Variants in DRC11 observed in about 807,000 individuals in gnomAD.
The protein encoded by DRC11 is dynein regulatory complex subunit 11.
the DRC11 span, among the ~76,000 whole-genome samples, chr2:236,354,663 G>A: frequency 6.6e-6 from 1 of 152,136 alleles, no homozygotes; most frequent in Non-Finnish European, 1.5e-5. Context: ...GAATGCTCGT[G>A]GCATCAAACC....
chr2:236,467,812 A>C, the DRC11 span, among the ~76,000 whole-genome samples: 3 of 152,252 alleles, frequency 2.0e-5, no homozygotes, highest in Non-Finnish European at 2.9e-5. Context: ...ACATTATCTT[A>C]AAGATTCAAT....
chr2:236,488,135 A>T, the DRC11 span: 1 of 1,609,994 alleles, frequency 6.2e-7, no homozygotes, highest in Non-Finnish European at 8.5e-7. Context: ...GTGCCCTCTC[A>T]GCAATCTGGA....
At chr2:236,315,622 G>C in the DRC11 span, among the ~76,000 whole-genome samples, 1 of 152,196 alleles carries the variant, frequency 6.6e-6, no homozygotes, top group Non-Finnish European at 1.5e-5. This position sits in a 1 kb window ranked among gnomAD's most constrained non-coding sequence, Gnocchi z 5.1. Flanking sequence ...ATCAATAATA[G>C]ATTGGATAAA....
chr2:236,389,120 T>C, the DRC11 span, among the ~76,000 whole-genome samples: 2 of 152,208 alleles, frequency 1.3e-5, no homozygotes, highest in South Asian at 4.1e-4. Context: ...TTTTTGTTTG[T>C]CTGTGCCCCG....
At chr2:236,313,384 G>T in the DRC11 span, among the ~76,000 whole-genome samples, 2 of 152,080 alleles carry the variant, frequency 1.3e-5, no homozygotes, top group Non-Finnish European at 2.9e-5. This position sits in a 1 kb window ranked among gnomAD's most constrained non-coding sequence, Gnocchi z 4.5. Flanking sequence ...ATATATATCA[G>T]GCAAAAAATT....
At chr2:236,502,060 T>C in the DRC11 span, among the ~76,000 whole-genome samples, 1 of 151,882 alleles carries the variant, frequency 6.6e-6, no homozygotes, top group Non-Finnish European at 1.5e-5. Context: ...AAAAATGCCC[T>C]CCCCACACAC....
At chr2:236,357,074 T>C in the DRC11 span, among the ~76,000 whole-genome samples, 1 of 99,624 alleles carries the variant, frequency 1.0e-5, no homozygotes, top group Non-Finnish European at 2.2e-5. Context: ...ATTCATATAT[T>C]ATATATCTAT....
the DRC11 span, among the ~76,000 whole-genome samples, chr2:236,328,318 A>G: frequency 3.4e-4 from 51 of 152,236 alleles, no homozygotes; most frequent in African/African-American, 1.2e-3. This position sits in a 1 kb window ranked among gnomAD's most constrained non-coding sequence, Gnocchi z 6.7. Context: ...TTATCATTTT[A>G]AAAATTATAT....
At chr2:236,354,642 C>G in the DRC11 span, among the ~76,000 whole-genome samples, 1 of 152,292 alleles carries the variant, frequency 6.6e-6, no homozygotes, top group East Asian at 1.9e-4. Context: ...TCTGGGTTGC[C>G]TAAACATTTT....
At chr2:236,466,037 C>T in the DRC11 span, among the ~76,000 whole-genome samples, 20 of 151,870 alleles carry the variant, frequency 1.3e-4, no homozygotes, top group Non-Finnish European at 2.8e-4. Flanking sequence ...ATTCATTGTA[C>T]AGAAGAAACA....
the DRC11 span, among the ~76,000 whole-genome samples, chr2:236,490,806 CGT>C: frequency 6.6e-6 from 1 of 150,434 alleles, no homozygotes; most frequent in East Asian, 2.0e-4. The surrounding 1 kb of genome is among the most constrained non-coding windows in gnomAD (Gnocchi z 5.5). Flanking sequence ...TGTCTGCATG[CGT>C]GTGTGTGTAT....
the DRC11 span, among the ~76,000 whole-genome samples, chr2:236,342,940 C>T: frequency 9.2e-5 from 14 of 152,256 alleles, no homozygotes; most frequent in African/African-American, 1.9e-4. The surrounding 1 kb of genome is among the most constrained non-coding windows in gnomAD (Gnocchi z 5.8). Flanking sequence ...ACAGAGAAAA[C>T]GTCCAGTTCA....
the DRC11 span, among the ~76,000 whole-genome samples, chr2:236,448,155 C>T: frequency 6.6e-6 from 1 of 152,132 alleles, no homozygotes; most frequent in South Asian, 2.1e-4. The surrounding 1 kb of genome is among the most constrained non-coding windows in gnomAD (Gnocchi z 5.3). Flanking sequence ...CAAAGAAAAA[C>T]TGAGATAATC....
At chr2:236,314,408 C>T in the DRC11 span, among the ~76,000 whole-genome samples, 2,430 of 152,250 alleles carry the variant, frequency 0.016, 31 homozygotes, top group Middle Eastern at 0.027. This position sits in a 1 kb window ranked among gnomAD's most constrained non-coding sequence, Gnocchi z 4.5. Flanking sequence ...AAGTCTGAAA[C>T]AAGGATGTCT....
At chr2:236,328,909 G>C in the DRC11 span, among the ~76,000 whole-genome samples, 1 of 152,188 alleles carries the variant, frequency 6.6e-6, no homozygotes, top group Non-Finnish European at 1.5e-5. This position sits in a 1 kb window ranked among gnomAD's most constrained non-coding sequence, Gnocchi z 6.7. Context: ...ATTTCACAGG[G>C]CTGTAGGTCA....
the DRC11 span, among the ~76,000 whole-genome samples, chr2:236,355,077 C>A: frequency 2.0e-5 from 3 of 152,368 alleles, no homozygotes; most frequent in East Asian, 1.9e-4. Context: ...GCTCCCTCCC[C>A]ACCCTGGGCC....
the DRC11 span, chr2:236,368,583 A>G: frequency 5.0e-5 from 14 of 278,584 alleles, no homozygotes; most frequent in Non-Finnish European, 8.7e-5. Flanking sequence ...ACATTTGAAT[A>G]TAGAGTTATG....
At chr2:236,366,122 A>AC in the DRC11 span, among the ~76,000 whole-genome samples, 1 of 152,046 alleles carries the variant, frequency 6.6e-6, no homozygotes, top group Non-Finnish European at 1.5e-5. Flanking sequence ...GCATGCCCCC[A>AC]CCCTTCACTT....
At chr2:236,338,348 T>C in the DRC11 span, 1 of 1,613,776 alleles carries the variant, frequency 6.2e-7, no homozygotes, top group South Asian at 1.1e-5. Flanking sequence ...TTTCAGGATT[T>C]GGGGAAGGTG....
Sources: allele counts gnomAD v4.1 joint callset (sites outside exome capture counted in the v4.1 genomes callset), GRCh38; gene constraint gnomAD v4.1.1; non-coding constraint Gnocchi (gnomAD v3.1); transcripts MANE v1.5; gene names NCBI Gene and HGNC (gene_info 2026-07-23, HGNC 2026-07-21).